The following PPM1H variants were observed in gnomAD, a reference collection of about 807,000 sequenced individuals.
The protein encoded by PPM1H is protein phosphatase, Mg2+/Mn2+ dependent 1H.
In PPM1H, 27 loss-of-function variants were observed where a neutral mutation model predicts 54.9. The observed-to-expected ratio is 0.49, with a 90% confidence interval of 0.36 to 0.68. The LOEUF is 0.68. Ranked by LOEUF, PPM1H falls within the 30% of genes least tolerant of loss-of-function variation. The pLI is 0.00. For missense variants in PPM1H, 596 were observed against 667.8 expected, an observed-to-expected ratio of 0.89 and a Z score of 1.19; for synonymous variants, 305 against 270.8, an observed-to-expected ratio of 1.13 and a Z score of -1.24.
rs34457644 is a variant in PPM1H at position 62,793,740 on chromosome 12, C to CAAAAAAA, written c.757-5409_757-5403dup. Among the ~76,000 whole-genome samples, 40 of 61,224 alleles carry CAAAAAAA rather than the reference C, an allele frequency of 6.5e-4. 1 individual carries two copies. The highest frequency in any genetic ancestry group is 2.0e-3 in the African/African-American group (36 of 17,588). The allele number at this position is 61,224 out of a possible 152,430, so 40.2% of individuals were successfully genotyped here. A position where few individuals can be genotyped will look rare whatever the true frequency, so the allele number is the denominator to read the frequency against. On this transcript the variant is annotated intron_variant, in intron 3 of 9. Transcript: ENST00000228705. ...GGGCAACAAGAGAGAAACTCCGTTTCAAAAAAAAAAAAAAAAAAAAAAGGC... is the reference window on the plus strand; with the variant it reads ...GGGCAACAAGAGAGAAACTCCGTTTCAAAAAAAAAAAAAAAAAAAAAAAAAAAAAGGC...
intron 1 of PPM1H, among the ~76,000 whole-genome samples, chr12:62,932,495 G>C (rs1872171136): frequency 6.6e-6 from 1 of 152,104 alleles, no homozygotes; most frequent in African/African-American, 2.4e-5. Context: ...GCCTTGACAG[G>C]CGCCCTCGCC....
chr12:62,801,351 T>A (rs2076768122), intron 3 of PPM1H, among the ~76,000 whole-genome samples: 1 of 151,984 alleles, frequency 6.6e-6, no homozygotes, highest in African/African-American at 2.4e-5. Flanking sequence ...GCAGTCTCGG[T>A]CTGTTGCTCA....
chr12:62,895,664 G>A (rs1224600876), intron 1 of PPM1H, among the ~76,000 whole-genome samples: 2 of 152,126 alleles, frequency 1.3e-5, no homozygotes, highest in South Asian at 2.1e-4. Flanking sequence ...GGGAGTGAGT[G>A]ACTTCTCTTC....
At chr12:62,889,862 T>C (rs1565820904) in intron 1 of PPM1H, among the ~76,000 whole-genome samples, 1 of 151,998 alleles carries the variant, frequency 6.6e-6, no homozygotes, top group Non-Finnish European at 1.5e-5. Flanking sequence ...TGGCCTTGAG[T>C]TTGGCAATGA....
chr12:62,820,813 G>T (rs1322628484), intron 2 of PPM1H, among the ~76,000 whole-genome samples: 3 of 152,162 alleles, frequency 2.0e-5, no homozygotes, highest in Non-Finnish European at 2.9e-5. Context: ...AAGATGGGGA[G>T]GAACCAGAGC....
intron 1 of PPM1H, among the ~76,000 whole-genome samples, chr12:62,849,392 A>AT (rs558049836): frequency 3.4e-4 from 52 of 152,234 alleles, no homozygotes; most frequent in Non-Finnish European, 5.4e-4. Flanking sequence ...GTCCCATTCT[A>AT]TAAAAACTGA....
chr12:62,924,611 G>A (rs1017026225), intron 1 of PPM1H, among the ~76,000 whole-genome samples: 3 of 152,080 alleles, frequency 2.0e-5, no homozygotes, highest in African/African-American at 2.4e-5. Context: ...CCAAATGGCC[G>A]GCACAGAATT....
At chr12:62,676,412 C>T (rs2075986560) in intron 8 of PPM1H, among the ~76,000 whole-genome samples, 1 of 152,128 alleles carries the variant, frequency 6.6e-6, no homozygotes, top group African/African-American at 2.4e-5. Flanking sequence ...CAGGTGGGAG[C>T]TCCCAAGTTG....
At chr12:62,655,851 T>C (rs1024221000) in intron 9 of PPM1H, among the ~76,000 whole-genome samples, 3 of 152,212 alleles carry the variant, frequency 2.0e-5, no homozygotes, top group Non-Finnish European at 4.4e-5. Context: ...AGACATGTTT[T>C]GAATTTTGAG....
intron 1 of PPM1H, among the ~76,000 whole-genome samples, chr12:62,884,249 G>T (rs552321426): frequency 6.6e-6 from 1 of 152,086 alleles, no homozygotes; most frequent in African/African-American, 2.4e-5. Flanking sequence ...GCACTTGAGA[G>T]GCTGAGGCAG....
At chr12:62,805,429 A>T (rs1427707642) in intron 2 of PPM1H, among the ~76,000 whole-genome samples, 1 of 152,240 alleles carries the variant, frequency 6.6e-6, no homozygotes, top group Non-Finnish European at 1.5e-5. Flanking sequence ...AACAGCCAAG[A>T]CACTGAAACA....
intron 3 of PPM1H, among the ~76,000 whole-genome samples, chr12:62,789,517 A>G (rs2076692102): frequency 6.6e-6 from 1 of 152,228 alleles, no homozygotes; most frequent in African/African-American, 2.4e-5. Flanking sequence ...AGGGCTTCTG[A>G]ACTCTGACCT....
At position 62,934,810 on chromosome 12, in the gene PPM1H, GC is replaced by G; in HGVS notation, c.-75del. 7.8e-7 allele frequency: 1 copy of G among 1,281,550 alleles called. No individual in the cohort carries two copies. The highest frequency in any genetic ancestry group is 9.9e-7 in the Non-Finnish European group (1 of 1,009,694). 79.4% of individuals were successfully genotyped at this position (1,281,550 alleles called of 1,614,324 possible). ...CCGGGCAAGGCGCAGCGCGGGGCAT[GC>G]AGGCTGCGGTGGGCGCCGGGCGCAC... On this transcript the variant is annotated 5_prime_UTR_variant, in exon 1 of 10. Transcript: ENST00000228705. This position sits in a 1 kb window ranked among gnomAD's most constrained non-coding sequence, Gnocchi z 4.2.
intron 5 of PPM1H, among the ~76,000 whole-genome samples, chr12:62,727,568 C>T (rs2076296676): frequency 6.6e-6 from 1 of 151,398 alleles, no homozygotes; most frequent in Non-Finnish European, 1.5e-5. Flanking sequence ...AATAATAATG[C>T]TTTGTCTCTT....
chr12:62,765,885 T>C (rs2076539651), intron 4 of PPM1H, among the ~76,000 whole-genome samples: 1 of 152,204 alleles, frequency 6.6e-6, no homozygotes, highest in Non-Finnish European at 1.5e-5. Flanking sequence ...TGGTCTGGCA[T>C]TGCCAGAGCT....
intron 4 of PPM1H, among the ~76,000 whole-genome samples, chr12:62,784,986 T>G (rs1381754614): frequency 1.3e-5 from 2 of 152,156 alleles, no homozygotes; most frequent in Non-Finnish European, 2.9e-5. Context: ...CAAATTTATA[T>G]CTGGATACTG....
chr12:62,698,575 C>A (rs2076126263), intron 6 of PPM1H, among the ~76,000 whole-genome samples: 1 of 152,018 alleles, frequency 6.6e-6, no homozygotes, highest in South Asian at 2.1e-4. Context: ...TTCTGGTTGG[C>A]CAGTGTCCTC....
chr12:62,793,549 A>AC (rs1355637946), intron 3 of PPM1H, among the ~76,000 whole-genome samples: 2 of 151,948 alleles, frequency 1.3e-5, no homozygotes, highest in Non-Finnish European at 2.9e-5. Flanking sequence ...ACACGTAGAA[A>AC]CCCCGTCTCT....
At chr12:62,706,993 A>G (rs12322929) in intron 6 of PPM1H, among the ~76,000 whole-genome samples, 1,805 of 152,312 alleles carry the variant, frequency 0.012, 32 homozygotes, top group African/African-American at 0.041. Flanking sequence ...CTGAGCTTTG[A>G]CGTTCAAAGT....
Sources: allele counts gnomAD v4.1 joint callset (sites outside exome capture counted in the v4.1 genomes callset), GRCh38; gene constraint gnomAD v4.1.1; non-coding constraint Gnocchi (gnomAD v3.1); transcripts MANE v1.5; gene names NCBI Gene and HGNC (gene_info 2026-07-23, HGNC 2026-07-21).